Variants in GDAP1L1 observed in about 807,000 individuals in gnomAD.
The protein encoded by GDAP1L1 is ganglioside induced differentiation associated protein 1 like 1, also known as ganglioside-induced differentiation-associated protein 1-like 1.
A neutral mutation model predicts 37.1 loss-of-function variants in GDAP1L1; 21 were observed. The observed-to-expected ratio is 0.57, with a 90% confidence interval of 0.40 to 0.81. The LOEUF (loss-of-function observed/expected upper bound fraction) is 0.81. Ranked by LOEUF, GDAP1L1 falls within the 40% of genes least tolerant of loss-of-function variation. The pLI is 0.00. For missense variants in GDAP1L1, 362 were observed against 491.6 expected (o/e 0.74, Z 2.49); for synonymous variants, 193 against 209.1 (o/e 0.92, Z 0.67).
chr20:44,264,348 G>C, intron 4 of GDAP1L1, 97 bp from the exon 5 acceptor site: 1 of 1,327,904 alleles, frequency 7.5e-7, no homozygotes, highest in Non-Finnish European at 9.6e-7. Flanking sequence ...TTGGAGGCTG[G>C]GTTTGCAGAA....
Position 44,263,339 on chromosome 20 carries a change from C to T in GDAP1L1, c.645+12C>T. On this transcript the variant is annotated intron_variant, in intron 4 of 5. Coordinates refer to ENST00000342560, the MANE Select transcript of GDAP1L1 (RefSeq NM_024034.6). ...AAAAGAAGCTCATGGTGAGTACCTC[C>T]CGGCCTGCTGAGTCCCCTTCCCTAC... 1 of 1,582,546 alleles carries T rather than the reference C, an allele frequency of 6.3e-7. No homozygotes were observed. Among genetic ancestry groups the T allele is most frequent in the South Asian group, 1.1e-5 (1 of 90,478 alleles).
chr20:44,247,340 G>C lies in GDAP1L1; in HGVS notation c.6G>C (p.Ala2=). The C allele has an allele frequency of 1.9e-6, 3 of 1,613,494 alleles. No homozygotes were observed. The highest frequency in any genetic ancestry group is 2.5e-6 in the Non-Finnish European group (3 of 1,179,846). The change falls in exon 1 of 6, where the codon GCG becomes GCC. Residue 2 remains alanine, a synonymous_variant. Transcript: ENST00000342560. M[A]TPNNLTPTNC... is the part of the protein sequence containing the mutation. ...GCCTCTGATTCCGGGCTGTCATGGC[G>C]ACCCCCAACAATCTGACCCCCACCA...
At chr20:44,259,701 T>A (rs545393717) in intron 3 of GDAP1L1, among the ~76,000 whole-genome samples, 2 of 152,236 alleles carry the variant, frequency 1.3e-5, no homozygotes, top group East Asian at 3.9e-4. Flanking sequence ...TTTGCCATAT[T>A]GCCCAGGCTG....
Position 44,258,464 on chromosome 20 carries a change from G to C in GDAP1L1, c.404G>C (p.Gly135Ala). 1 of 1,553,766 alleles carries C rather than the reference G, an allele frequency of 6.4e-7. No individual in the cohort carries two copies. The highest frequency in any genetic ancestry group is 8.7e-7 in the Non-Finnish European group (1 of 1,148,844). ...EHVVALMPEVGSLQHARVLQY... is the reference protein window; with the variant it reads ...EHVVALMPEVASLQHARVLQY... The stretch of plus-strand genomic sequence containing the variant: ...GTGGTGGCCCTGATGCCCGAGGTGG[G>C]CAGCCTGCAGCACGCACGGGTGCTG... The change falls in exon 3 of 6, where the codon GGC (glycine) becomes GCC (alanine). Residue 135 changes from glycine to alanine, a missense_variant. By Grantham distance (60) the Gly-to-Ala change is moderately conservative. Transcript: ENST00000342560.
rs1262074674 is a variant in GDAP1L1, at chr20:44,279,639, TC to T, written c.*340del. On this transcript the variant is annotated 3_prime_UTR_variant, in exon 6 of 6. Coordinates refer to ENST00000342560, the MANE Select transcript of GDAP1L1 (RefSeq NM_024034.6). ...GATCTGAGGTGAGTCCCAGGATGTTTCGTCCACCAGGGCCCAGATTCTGGGA... is the reference window on the plus strand; with the variant it reads ...GATCTGAGGTGAGTCCCAGGATGTTTGTCCACCAGGGCCCAGATTCTGGGA... 6.1e-6 allele frequency: 3 copies of T among 488,404 alleles called. No individual in the cohort carries two copies. The highest frequency in any genetic ancestry group is 3.2e-4 in the Middle Eastern group (1 of 3,174). The allele number at this position is 488,404 out of a possible 1,614,324, so 30.3% of individuals were successfully genotyped here. A position where few individuals can be genotyped will look rare whatever the true frequency, so the allele number is the denominator to read the frequency against.
chr20:44,271,494 G>A (rs929432668), intron 5 of GDAP1L1, among the ~76,000 whole-genome samples: 1 of 152,122 alleles, frequency 6.6e-6, no homozygotes, highest in African/African-American at 2.4e-5. Context: ...GGATGTCAGC[G>A]GTGACCTCGC....
rs6031486 is a variant in GDAP1L1, at chr20:44,262,105, G to A, written c.548-1125G>A. 5.4e-3 allele frequency among the ~76,000 whole-genome samples: 822 copies of A among 152,190 alleles called. 5 individuals are homozygous for A. The highest frequency in any genetic ancestry group is 0.018 in the African/African-American group (762 of 41,510). ...AAGTTGAGGAGCTAGGATGTTATCCGAGGGCAGTGAGGAGCCAGGGATGGG... is the reference window on the plus strand; with the variant it reads ...AAGTTGAGGAGCTAGGATGTTATCCAAGGGCAGTGAGGAGCCAGGGATGGG... On this transcript the variant is annotated intron_variant, in intron 3 of 5. Transcript: ENST00000342560.
At chr20:44,249,780 T>C (rs2073403678) in intron 1 of GDAP1L1, among the ~76,000 whole-genome samples, 1 of 152,186 alleles carries the variant, frequency 6.6e-6, no homozygotes, top group African/African-American at 2.4e-5. Flanking sequence ...CAGGGGCCCA[T>C]GGTGGATTCT....
At chr20:44,270,164 AT>A (rs397756226) in intron 5 of GDAP1L1, among the ~76,000 whole-genome samples, 9,799 of 100,542 alleles carry the variant, frequency 0.097, 188 homozygotes, top group East Asian at 0.26. Context: ...AGTGTCTTAA[AT>A]TTTTTTTTTT....
In GDAP1L1 at chr20:44,280,331, G is replaced by A. The variant is rs530520489; in HGVS notation, c.*1031G>A. The A allele has an allele frequency of 1.3e-5, 2 of 154,642 alleles. No homozygotes were observed. Among genetic ancestry groups the A allele is most frequent in the Admixed American group, 6.4e-5 (1 of 15,644 alleles). The allele number at this position is 154,642 out of a possible 1,614,324, so 9.6% of individuals were successfully genotyped here. The stretch of plus-strand genomic sequence containing the variant: ...GGGTCTTGGTGTCACTGCCGCTCAT[G>A]CATAGAAACCACCAAAAGCCCCAAT... On this transcript the variant is annotated 3_prime_UTR_variant, in exon 6 of 6. Transcript: ENST00000342560.
At chr20:44,275,815 A>C (rs1218899235) in intron 5 of GDAP1L1, among the ~76,000 whole-genome samples, 6 of 152,296 alleles carry the variant, frequency 3.9e-5, no homozygotes, top group African/African-American at 1.4e-4. Context: ...TTGCACAAAC[A>C]AGTGTTTTCT....
chr20:44,258,364 A>G, intron 2 of GDAP1L1, 70 bp from the exon 3 acceptor site: 1 of 1,459,142 alleles, frequency 6.9e-7, no homozygotes, highest in Non-Finnish European at 9.4e-7. Context: ...GGGCTCAGGG[A>G]TGCCGGGGGC....
At chr20:44,261,193 C>T (rs2073667770) in intron 3 of GDAP1L1, among the ~76,000 whole-genome samples, 1 of 152,198 alleles carries the variant, frequency 6.6e-6, no homozygotes, top group African/African-American at 2.4e-5. Flanking sequence ...GGAGTAGAAG[C>T]CAGCCTGCAG....
intron 5 of GDAP1L1, among the ~76,000 whole-genome samples, chr20:44,272,922 A>T (rs181381260): frequency 3.3e-4 from 51 of 152,336 alleles, no homozygotes; most frequent in African/African-American, 1.1e-3. Flanking sequence ...GGATTTGTGC[A>T]GGCAGACACA....
upstream of GDAP1L1, chr20:44,247,286 G>A: frequency 6.3e-7 from 1 of 1,592,692 alleles, no homozygotes; most frequent in Non-Finnish European, 8.6e-7. Flanking sequence ...GCGAGAGAGA[G>A]CCGCCGCGCC....
At chr20:44,263,143 TG>T in intron 3 of GDAP1L1, 86 bp from the exon 4 acceptor site, 1 of 955,352 alleles carries the variant, frequency 1.0e-6, no homozygotes, top group Non-Finnish European at 1.7e-6. Context: ...AGTGTTTGGA[TG>T]GGGCCTACTT....
intron 3 of GDAP1L1, among the ~76,000 whole-genome samples, chr20:44,261,205 G>A (rs1023917976): frequency 3.9e-5 from 6 of 152,212 alleles, no homozygotes; most frequent in Non-Finnish European, 8.8e-5. Context: ...AGCCTGCAGC[G>A]ACCCCTTAAT....
chr20:44,277,624 C>T (rs773930489), intron 5 of GDAP1L1, among the ~76,000 whole-genome samples: 9 of 152,118 alleles, frequency 5.9e-5, no homozygotes, highest in Non-Finnish European at 7.4e-5. Context: ...TGACATTCTC[C>T]GACATTTAAA....
At chr20:44,252,822 CA>C (rs3091993) in intron 1 of GDAP1L1, among the ~76,000 whole-genome samples, 23,294 of 122,926 alleles carry the variant, frequency 0.19, 1,884 homozygotes, top group Middle Eastern at 0.29. Context: ...GACCCTGTCT[CA>C]AAAAAAAAAA....
Sources: allele counts gnomAD v4.1 joint callset (sites outside exome capture counted in the v4.1 genomes callset), GRCh38; gene constraint gnomAD v4.1.1; transcripts MANE v1.5; gene names NCBI Gene and HGNC (gene_info 2026-07-23, HGNC 2026-07-21).